SGCZ: variants seen among roughly 807,000 people sequenced by gnomAD.
The protein encoded by SGCZ is zeta-sarcoglycan.
SGCZ carries 40 observed loss-of-function variants against 41.3 expected under a neutral mutation model. The observed-to-expected ratio is 0.97, with a 90% CI of 0.75 to 1.26. SGCZ has a LOEUF of 1.26. Ranked by LOEUF, SGCZ falls within the 50% of genes most tolerant of loss-of-function variation. SGCZ has a pLI of 0.00. For missense variants in SGCZ, 552 were observed against 369.8 expected (o/e 1.49, Z -4.04); for synonymous variants, 206 against 137.5 (o/e 1.50, Z -3.49).
chr8:14,503,288 G>A (rs1802207574), intron 2 of SGCZ, among the ~76,000 whole-genome samples: 1 of 152,064 alleles, frequency 6.6e-6, no homozygotes, highest in Admixed American at 6.6e-5. Context: ...ACACACCGGA[G>A]CCTGTCAGGG....
chr8:14,755,596 A>G (rs1435357347), intron 1 of SGCZ, among the ~76,000 whole-genome samples: 2 of 152,210 alleles, frequency 1.3e-5, no homozygotes, highest in Non-Finnish European at 2.9e-5. Context: ...GCTTTTATTC[A>G]TGAGTAAGTG....
At chr8:14,852,791 C>T (rs987121008) in intron 1 of SGCZ, among the ~76,000 whole-genome samples, 1 of 152,320 alleles carries the variant, frequency 6.6e-6, no homozygotes, top group East Asian at 1.9e-4. Context: ...CACCTCCCAT[C>T]TGTAGTGTTT....
intron 1 of SGCZ, among the ~76,000 whole-genome samples, chr8:14,926,611 TTTG>T (rs1219367803): frequency 1.7e-5 from 2 of 117,490 alleles, no homozygotes; most frequent in Non-Finnish European, 3.5e-5. Flanking sequence ...TAGACAGTTT[TTTG>T]TTTGTTTGTT....
In SGCZ at chr8:14,792,681, A is replaced by G. The variant is rs2251058; in HGVS notation, c.40-237755T>C. ...TGCTGCACCCATTAACTCATCGTTT[A>G]GCATTAGGTATATGTCCTAATGCAT... On this transcript the variant is annotated intron_variant, in intron 1 of 7. Transcript: ENST00000382080. Among the ~76,000 whole-genome samples the G allele has an allele frequency of 4.3e-3, 653 of 152,238 alleles. 11 individuals are homozygous for G. The highest frequency in any genetic ancestry group is 0.014 in the African/African-American group (602 of 41,544).
chr8:14,435,590 T>C (rs748308634), intron 2 of SGCZ, among the ~76,000 whole-genome samples: 1 of 152,212 alleles, frequency 6.6e-6, no homozygotes, highest in African/African-American at 2.4e-5. Flanking sequence ...AGCACAAAGA[T>C]AGCATGGCCT....
chr8:14,914,378 T>C lies in SGCZ; in HGVS notation c.39+323207A>G, dbSNP rs185001521. On this transcript the variant is annotated intron_variant, in intron 1 of 7. Coordinates refer to ENST00000382080, the MANE Select transcript of SGCZ (RefSeq NM_139167.4). ...TAATTCTTTCTCACAATGACAACTG[T>C]AGCTTTTTCTAATCATCCTGTATTT... Among the ~76,000 whole-genome samples, 279 of 152,272 alleles carry C rather than the reference T, an allele frequency of 1.8e-3. 1 individual carries two copies. Among genetic ancestry groups the C allele is most frequent in the African/African-American group, 6.3e-3 (261 of 41,558 alleles).
At chr8:14,789,038 T>G (rs189915007) in intron 1 of SGCZ, among the ~76,000 whole-genome samples, 2 of 152,142 alleles carry the variant, frequency 1.3e-5, no homozygotes, top group South Asian at 2.1e-4. Context: ...ATTTTTGGAC[T>G]CGTTAACATT....
At chr8:14,119,970 T>G (rs1206584092) in intron 5 of SGCZ, among the ~76,000 whole-genome samples, 1 of 152,138 alleles carries the variant, frequency 6.6e-6, no homozygotes, top group East Asian at 1.9e-4. Context: ...TTGGTAGTAT[T>G]TTTTTGAGGA....
At chr8:14,755,700 G>A (rs1424614540) in intron 1 of SGCZ, among the ~76,000 whole-genome samples, 1 of 151,920 alleles carries the variant, frequency 6.6e-6, no homozygotes, top group Admixed American at 6.6e-5. Flanking sequence ...GATCTTTATT[G>A]GTAAATATCA....
intron 1 of SGCZ, among the ~76,000 whole-genome samples, chr8:14,946,046 ATATATATATG>A (rs1563381956): frequency 8.6e-6 from 1 of 116,462 alleles, no homozygotes; most frequent in South Asian, 2.9e-4. Context: ...ATATATATAT[ATATATATATG>A]AATCATTCTG....
At chr8:14,640,672 G>GTGTGTA (rs1053978338) in intron 1 of SGCZ, among the ~76,000 whole-genome samples, 3 of 113,678 alleles carry the variant, frequency 2.6e-5, no homozygotes, top group African/African-American at 9.6e-5. Flanking sequence ...GTGTGTGTGT[G>GTGTGTA]TATATATTTG....
intron 1 of SGCZ, among the ~76,000 whole-genome samples, chr8:14,656,893 T>A (rs1486031869): frequency 6.6e-6 from 1 of 151,918 alleles, no homozygotes; most frequent in Non-Finnish European, 1.5e-5. Flanking sequence ...AAGTATTAAA[T>A]ACTATATAAA....
At chr8:14,983,451 C>T (rs184181887) in intron 1 of SGCZ, among the ~76,000 whole-genome samples, 10 of 152,168 alleles carry the variant, frequency 6.6e-5, no homozygotes, top group African/African-American at 2.4e-4. Flanking sequence ...GCGATCTTGG[C>T]TCACTGCAAA....
chr8:14,329,943 G>A (rs1025593066), intron 2 of SGCZ, among the ~76,000 whole-genome samples: 33 of 151,812 alleles, frequency 2.2e-4, no homozygotes, highest in African/African-American at 7.7e-4. Context: ...ACAGCTCCAC[G>A]TTTTGCCATC....
intron 1 of SGCZ, among the ~76,000 whole-genome samples, chr8:14,801,294 T>A (rs1418858190): frequency 6.6e-6 from 1 of 152,228 alleles, no homozygotes; most frequent in Non-Finnish European, 1.5e-5. Context: ...CTACTGGCAT[T>A]TCATTGATAT....
chr8:14,959,169 G>T (rs55662092), intron 1 of SGCZ, among the ~76,000 whole-genome samples: 27,932 of 151,898 alleles, frequency 0.18, 3,178 homozygotes, highest in East Asian at 0.35. Flanking sequence ...AATTCTAAAC[G>T]TTTCAGAGGT....
chr8:14,511,013 A>G (rs556046389), intron 2 of SGCZ, among the ~76,000 whole-genome samples: 1 of 152,174 alleles, frequency 6.6e-6, no homozygotes, highest in Non-Finnish European at 1.5e-5. Flanking sequence ...TAGATAGAAG[A>G]TATTTATTTT....
intron 4 of SGCZ, among the ~76,000 whole-genome samples, chr8:14,189,686 G>C (rs1194132020): frequency 6.6e-6 from 1 of 152,076 alleles, no homozygotes; most frequent in Non-Finnish European, 1.5e-5. Context: ...TACATTGTTG[G>C]TGGCCTTACC....
intron 1 of SGCZ, chr8:14,853,337 C>A: frequency 5.2e-6 from 2 of 384,274 alleles, no homozygotes; most frequent in Admixed American, 2.6e-5. Flanking sequence ...TTTCATCTCA[C>A]CTGAAGCATG....
Sources: allele counts gnomAD v4.1 joint callset (sites outside exome capture counted in the v4.1 genomes callset), GRCh38; gene constraint gnomAD v4.1.1; transcripts MANE v1.5; gene names NCBI Gene and HGNC (gene_info 2026-07-23, HGNC 2026-07-21).